Variants in DSCAM observed in about 807,000 individuals in gnomAD.
DSCAM encodes the protein DS cell adhesion molecule, also known as cell adhesion molecule DSCAM.
Under a neutral mutation model 217.7 loss-of-function variants are expected in DSCAM, and 47 were observed. That is an observed-to-expected ratio of 0.22 (90% CI 0.17 to 0.28). DSCAM has a LOEUF of 0.28. Among genes scored for constraint, DSCAM ranks in the 10% least tolerant of loss-of-function variants. The probability of loss-of-function intolerance (pLI) is 1.00; values close to 1 mark genes in which losing one functional copy is unlikely to be tolerated. For missense variants in DSCAM, 2,080 were observed against 2,618.3 expected, an observed-to-expected ratio of 0.79 and a Z score of 4.49; for synonymous variants, 1,056 against 1,015.3, an observed-to-expected ratio of 1.04 and a Z score of -0.76.
chr21:40,377,802 C>T (rs1016677865), intron 3 of DSCAM, among the ~76,000 whole-genome samples: 1 of 152,052 alleles, frequency 6.6e-6, no homozygotes, highest in Non-Finnish European at 1.5e-5. Flanking sequence ...GCTAAGAAAG[C>T]CAGGGGAGGA....
intron 3 of DSCAM, among the ~76,000 whole-genome samples, chr21:40,422,252 G>A (rs2075431516): frequency 2.0e-5 from 3 of 152,180 alleles, no homozygotes; most frequent in Admixed American, 2.0e-4. Flanking sequence ...CTTGGCCTTC[G>A]AGGGCATATA....
chr21:40,769,735 C>G (rs1375884389), intron 1 of DSCAM, among the ~76,000 whole-genome samples: 3 of 152,162 alleles, frequency 2.0e-5, no homozygotes, highest in African/African-American at 7.2e-5. Context: ...TAGCAAGAAT[C>G]CTGCTTAGTT....
At chr21:40,291,547 T>C (rs2073892202) in intron 10 of DSCAM, among the ~76,000 whole-genome samples, 1 of 152,158 alleles carries the variant, frequency 6.6e-6, no homozygotes, top group South Asian at 2.1e-4. Context: ...TGTAATGTCC[T>C]CCTTGGTGTT....
chr21:40,065,729 C>T (rs1432271978), intron 27 of DSCAM, among the ~76,000 whole-genome samples: 1 of 152,148 alleles, frequency 6.6e-6, no homozygotes, highest in East Asian at 1.9e-4. Flanking sequence ...TTTTTCTCTT[C>T]TCAGTCCTAA....
intron 21 of DSCAM, among the ~76,000 whole-genome samples, chr21:40,087,776 C>T (rs954851716): frequency 5.3e-5 from 8 of 152,224 alleles, no homozygotes. Context: ...ATCTTTAGGA[C>T]ACACATTAAG....
At chr21:40,017,293 G>A (rs528558485) in intron 32 of DSCAM, among the ~76,000 whole-genome samples, 173 of 152,120 alleles carry the variant, frequency 1.1e-3, no homozygotes, top group Non-Finnish European at 7.9e-4. Flanking sequence ...TGATTTCTTT[G>A]TCATTGTGTT....
chr21:40,428,042 T>C (rs2075492471), intron 3 of DSCAM, among the ~76,000 whole-genome samples: 2 of 152,168 alleles, frequency 1.3e-5, no homozygotes, highest in Non-Finnish European at 1.5e-5. Flanking sequence ...TTCTTGTCTG[T>C]CCTCACAGTC....
At chr21:40,028,407 C>T (rs371655512) in intron 32 of DSCAM, among the ~76,000 whole-genome samples, 5,639 of 147,240 alleles carry the variant, frequency 0.038, 182 homozygotes, top group African/African-American at 0.14. Context: ...GCTTTGTTTA[C>T]CTAAGCAAGC....
At chr21:40,198,460 G>A (rs563926865) in intron 11 of DSCAM, among the ~76,000 whole-genome samples, 3 of 152,176 alleles carry the variant, frequency 2.0e-5, no homozygotes, top group African/African-American at 4.8e-5. Context: ...ACCCAGGCCA[G>A]GGTGGGGACG....
chr21:40,748,331 TAA>T (rs1162320131), intron 1 of DSCAM, among the ~76,000 whole-genome samples: 1 of 137,922 alleles, frequency 7.3e-6, no homozygotes, highest in Non-Finnish European at 1.6e-5. Context: ...GAGAAAAGCC[TAA>T]AGACTCCATC....
intron 3 of DSCAM, among the ~76,000 whole-genome samples, chr21:40,398,129 C>T (rs1175880636): frequency 6.6e-6 from 1 of 152,196 alleles, no homozygotes; most frequent in Non-Finnish European, 1.5e-5. Context: ...CCTAAATTCC[C>T]TGGTCCTGGG....
At chr21:40,495,118 C>T (rs2076107409) in intron 3 of DSCAM, among the ~76,000 whole-genome samples, 1 of 152,054 alleles carries the variant, frequency 6.6e-6, no homozygotes, top group Non-Finnish European at 1.5e-5. Flanking sequence ...AAGGAAAAAT[C>T]CAGGACCTGA....
intron 16 of DSCAM, among the ~76,000 whole-genome samples, chr21:40,150,494 C>A (rs1256858060): frequency 6.6e-6 from 1 of 151,956 alleles, no homozygotes; most frequent in Non-Finnish European, 1.5e-5. Context: ...TTAAAACAAC[C>A]TCTGAAAAAA....
intron 20 of DSCAM, among the ~76,000 whole-genome samples, chr21:40,097,954 A>AAGAAAG (rs1555877399): frequency 1.9e-5 from 1 of 51,518 alleles, no homozygotes; most frequent in Admixed American, 2.6e-4. Context: ...AAAAAAAAAA[A>AAGAAAG]AAAGAAAGAA....
intron 9 of DSCAM, among the ~76,000 whole-genome samples, chr21:40,307,456 G>T (rs1486897968): frequency 3.3e-5 from 5 of 152,180 alleles, no homozygotes; most frequent in African/African-American, 1.2e-4. Context: ...AGGATGTGGA[G>T]AAATAGGAAC....
intron 3 of DSCAM, among the ~76,000 whole-genome samples, chr21:40,501,732 C>T (rs2076171498): frequency 1.3e-5 from 2 of 152,188 alleles, no homozygotes; most frequent in African/African-American, 2.4e-5. Flanking sequence ...GCTGAGATTA[C>T]AGGCATGCAC....
chr21:40,383,421 T>C (rs1419813009), intron 3 of DSCAM: 1 of 152,268 alleles, frequency 6.6e-6, no homozygotes, highest in Non-Finnish European at 1.5e-5. Flanking sequence ...ATGCAGCTGA[T>C]AAGACGCTAT....
chr21:40,149,835 C>T (rs2090404795), intron 16 of DSCAM, among the ~76,000 whole-genome samples: 1 of 150,754 alleles, frequency 6.6e-6, no homozygotes, highest in Admixed American at 6.6e-5. Context: ...ACCAACACCA[C>T]TGTCACCACA....
Position 40,214,280 on chromosome 21 carries a change from G to A in DSCAM, c.2357-25042C>T, listed in dbSNP as rs180785872. ...ATGGACGTGGGAGCCTGTGTTCTAA[G>A]ACATTCTTACTCAGTCATAGTTAGC... On this transcript the variant is annotated intron_variant, in intron 11 of 32. Transcript: ENST00000400454. 7.2e-5 allele frequency among the ~76,000 whole-genome samples: 11 copies of A among 152,330 alleles called. No homozygotes were observed. In the East Asian group the frequency reaches 2.1e-3, roughly 29 times the overall value.
Sources: gnomAD v4.1 joint callset for allele counts (sites outside exome capture counted in the v4.1 genomes callset) on GRCh38, gnomAD v4.1.1 for gene constraint, MANE v1.5 for transcripts, NCBI Gene and HGNC (gene_info 2026-07-23, HGNC 2026-07-21) for gene names.